Variants in SYT16 observed in about 807,000 individuals in gnomAD.
The protein encoded by SYT16 is synaptotagmin-16.
A neutral mutation model predicts 61.4 loss-of-function variants in SYT16; 42 were observed. That is an observed-to-expected ratio of 0.68 (90% CI 0.53 to 0.89). SYT16 has a LOEUF of 0.89. Ranked by LOEUF, SYT16 falls within the 40% of genes least tolerant of loss-of-function variation. The pLI is 0.00. For synonymous variants in SYT16, 314 were observed against 302.3 expected, an observed-to-expected ratio of 1.04 and a Z score of -0.40; for missense variants, 804 against 807.3, an observed-to-expected ratio of 1.00 and a Z score of 0.05.
intron 3 of SYT16, among the ~76,000 whole-genome samples, chr14:62,056,080 A>C (rs1440268097): frequency 6.6e-6 from 1 of 151,122 alleles, no homozygotes; most frequent in African/African-American, 2.4e-5. Flanking sequence ...GCTTTTAAAT[A>C]GTCAAATGTT....
intron 4 of SYT16, among the ~76,000 whole-genome samples, chr14:62,071,300 G>C (rs917499367): frequency 6.6e-6 from 1 of 152,178 alleles, no homozygotes; most frequent in Admixed American, 6.5e-5. Context: ...TAATCCTAAA[G>C]CTAATGGCCC....
intron 3 of SYT16, 77 bp from the exon 4 acceptor site, chr14:62,069,526 T>C (rs2056207149): frequency 7.2e-7 from 1 of 1,383,558 alleles, no homozygotes; most frequent in South Asian, 1.3e-5. Flanking sequence ...TCTTCTCTTC[T>C]GTTTTCCTGG....
intron 1 of SYT16, among the ~76,000 whole-genome samples, chr14:61,834,320 CAGGGTT>C (rs1566616420): frequency 6.8e-6 from 1 of 148,036 alleles, no homozygotes. Context: ...TTAGTAGAGA[CAGGGTT>C]CCATCATGTT....
chr14:61,889,589 C>CTCTTGCTCG (rs1555352777), intron 1 of SYT16, among the ~76,000 whole-genome samples: 5 of 150,616 alleles, frequency 3.3e-5, no homozygotes, highest in African/African-American at 1.2e-4. Context: ...GCTCTTGCTC[C>CTCTTGCTCG]CTCTCTCTCT....
At chr14:61,831,086 C>T (rs959288901) in intron 1 of SYT16, among the ~76,000 whole-genome samples, 2 of 152,190 alleles carry the variant, frequency 1.3e-5, no homozygotes, top group Admixed American at 1.3e-4. Context: ...ATGACATTTG[C>T]CAATGTCTAA....
rs2057494556 is a variant in SYT16, at chr14:62,105,316, A to G, written c.*4609A>G. The G allele has an allele frequency of 6.6e-6, 1 of 152,222 alleles. No individual in the cohort carries two copies. Among genetic ancestry groups the G allele is most frequent in the African/African-American group, 2.4e-5 (1 of 41,450 alleles). 9.4% of individuals were successfully genotyped at this position (152,222 alleles called of 1,614,324 possible). ...GCCTTTATCAAAAGAGTTGGTGACA[A>G]TGGCAGTTTGACTACATATTTCAAC... On this transcript the variant is annotated 3_prime_UTR_variant, in exon 8 of 8. Transcript: ENST00000683842.
intron 3 of SYT16, among the ~76,000 whole-genome samples, chr14:62,059,684 A>ATATATATGTATATATATACATATAATTTT (rs1566808161): frequency 3.2e-4 from 47 of 147,452 alleles, no homozygotes; most frequent in African/African-American, 9.4e-4. Context: ...TATATAATTT[A>ATATATATGTATATATATACATATAATTTT]TATATATGTA....
chr14:61,948,534 T>C (rs1393574505), intron 1 of SYT16, among the ~76,000 whole-genome samples: 2 of 151,732 alleles, frequency 1.3e-5, no homozygotes, highest in Non-Finnish European at 2.9e-5. Context: ...AAGAATGAAG[T>C]GGGTGCATAT....
chr14:61,855,451 CTT>C (rs1290892495), intron 1 of SYT16, among the ~76,000 whole-genome samples: 1 of 152,194 alleles, frequency 6.6e-6, no homozygotes, highest in Non-Finnish European at 1.5e-5. Context: ...GCTCACAACA[CTT>C]ATACTGGCCT....
intron 1 of SYT16, among the ~76,000 whole-genome samples, chr14:61,840,062 A>G (rs998757447): frequency 6.6e-6 from 1 of 152,148 alleles, no homozygotes; most frequent in East Asian, 1.9e-4. Flanking sequence ...CATTTTGGAG[A>G]CAGAATCCAG....
At chr14:61,988,201 A>G (rs1009726258) in intron 2 of SYT16, among the ~76,000 whole-genome samples, 9 of 152,186 alleles carry the variant, frequency 5.9e-5, no homozygotes, top group Non-Finnish European at 8.8e-5. Context: ...TGACAATAAG[A>G]TTCTTCCTCA....
chr14:62,049,951 T>C (rs1438833278), intron 3 of SYT16, among the ~76,000 whole-genome samples: 2 of 152,202 alleles, frequency 1.3e-5, no homozygotes, highest in Non-Finnish European at 2.9e-5. Context: ...TTATGTGTCT[T>C]GGAGTTGCTC....
At chr14:61,892,212 T>A (rs1188129465) in intron 1 of SYT16, among the ~76,000 whole-genome samples, 2 of 151,918 alleles carry the variant, frequency 1.3e-5, no homozygotes, top group Non-Finnish European at 1.5e-5. Context: ...TGACCCTCCG[T>A]CTCTCTGACT....
intron 3 of SYT16, among the ~76,000 whole-genome samples, chr14:62,060,524 T>G (rs1032649207): frequency 6.7e-6 from 1 of 150,046 alleles, no homozygotes; most frequent in Admixed American, 6.6e-5. Context: ...TTTTTTTTTT[T>G]ATCAGAAATT....
At chr14:61,956,388 T>C (rs577584986) in intron 1 of SYT16, among the ~76,000 whole-genome samples, 1 of 152,088 alleles carries the variant, frequency 6.6e-6, no homozygotes, top group South Asian at 2.1e-4. Flanking sequence ...GTTCAGTGTT[T>C]AGCAGCTTTT....
At chr14:62,057,145 A>G (rs1426458169) in intron 3 of SYT16, among the ~76,000 whole-genome samples, 1 of 152,178 alleles carries the variant, frequency 6.6e-6, no homozygotes, top group Non-Finnish European at 1.5e-5. Context: ...TCCCACCCAG[A>G]TTGAGGGTAG....
chr14:61,833,575 G>A (rs1273385535), intron 1 of SYT16, among the ~76,000 whole-genome samples: 1 of 151,694 alleles, frequency 6.6e-6, no homozygotes, highest in African/African-American at 2.4e-5. Context: ...GTGAGCCACC[G>A]TGCTTGGCCA....
intron 3 of SYT16, among the ~76,000 whole-genome samples, chr14:62,031,607 CGAG>C (rs2054311611): frequency 6.6e-6 from 1 of 152,064 alleles, no homozygotes; most frequent in Non-Finnish European, 1.5e-5. Context: ...TCATTACTGT[CGAG>C]GAAACTGAGA....
chr14:61,828,029 C>A (rs1368715372), intron 1 of SYT16, among the ~76,000 whole-genome samples: 2 of 152,026 alleles, frequency 1.3e-5, no homozygotes, highest in Non-Finnish European at 2.9e-5. Flanking sequence ...AGAGCGAGCC[C>A]CAATTCAATA....
Sources: gnomAD v4.1 joint callset for allele counts (sites outside exome capture counted in the v4.1 genomes callset) on GRCh38, gnomAD v4.1.1 for gene constraint, MANE v1.5 for transcripts, NCBI Gene and HGNC (gene_info 2026-07-23, HGNC 2026-07-21) for gene names.